TENT5D: variants seen among roughly 807,000 people sequenced by gnomAD.
TENT5D encodes the protein terminal nucleotidyltransferase 5D.
For synonymous variants in TENT5D, 103 were observed against 100.6 expected (o/e 1.02, Z -0.15); for missense variants, 191 against 287.0 (o/e 0.67, Z 2.42).
At chrX:80,355,179 T>G (rs947895495) in intron 3 of TENT5D, among the ~76,000 whole-genome samples, 1 of 111,772 alleles carries the variant, frequency 8.9e-6, no homozygotes, top group African/African-American at 3.3e-5. Context: ...CATGGGTGAG[T>G]GAGCTCTAGT....
intron 1 of TENT5D, among the ~76,000 whole-genome samples, chrX:80,432,331 C>T (rs1374819888): frequency 9.0e-6 from 1 of 111,376 alleles, no homozygotes; most frequent in African/African-American, 3.3e-5. Context: ...TCCTTCCGGC[C>T]TCACGTGACA....
intron 3 of TENT5D, among the ~76,000 whole-genome samples, chrX:80,344,029 T>C (rs1332887785): frequency 9.0e-6 from 1 of 110,893 alleles, no homozygotes; most frequent in Non-Finnish European, 1.9e-5. Flanking sequence ...AGTTCCCACT[T>C]ATGAGTGAGA....
chrX:80,414,517 G>A (rs1181710775), intron 3 of TENT5D, among the ~76,000 whole-genome samples: 1 of 112,133 alleles, frequency 8.9e-6, no homozygotes, highest in Admixed American at 9.5e-5. Context: ...CAGGCGTACA[G>A]TTTGTTTTTA....
chrX:80,380,191 T>C (rs1340037267), intron 3 of TENT5D, among the ~76,000 whole-genome samples: 1 of 109,902 alleles, frequency 9.1e-6, no homozygotes, highest in Non-Finnish European at 1.9e-5. Flanking sequence ...AGAACATCTT[T>C]ATTTCTGCTT....
chrX:80,369,704 A>G (rs1930583919), intron 3 of TENT5D, among the ~76,000 whole-genome samples: 1 of 111,716 alleles, frequency 9.0e-6, no homozygotes, highest in Non-Finnish European at 1.9e-5. Flanking sequence ...TTCCCCATCT[A>G]CAGCTAAATA....
At chrX:80,383,027 G>A (rs1034124395) in intron 3 of TENT5D, among the ~76,000 whole-genome samples, 2 of 111,720 alleles carry the variant, frequency 1.8e-5, no homozygotes, top group Non-Finnish European at 3.8e-5. Context: ...CCAGTGAGGT[G>A]AACCATGTAC....
At chrX:80,361,820 T>C (rs1370988301) in intron 3 of TENT5D, among the ~76,000 whole-genome samples, 1 of 112,026 alleles carries the variant, frequency 8.9e-6, no homozygotes, top group Non-Finnish European at 1.9e-5. Flanking sequence ...AAAATGTCAT[T>C]ATTTATTCAT....
intron 3 of TENT5D, among the ~76,000 whole-genome samples, chrX:80,379,872 T>A (rs757784084): frequency 3.8e-4 from 42 of 109,548 alleles, no homozygotes; most frequent in Non-Finnish European, 7.4e-4. Context: ...TTCTTGCTAG[T>A]GGCCTATACA....
intron 3 of TENT5D, among the ~76,000 whole-genome samples, chrX:80,360,247 T>G (rs1033596363): frequency 2.7e-5 from 3 of 112,317 alleles, no homozygotes; most frequent in South Asian, 7.3e-4. Context: ...GTGAATAAAA[T>G]TCAGGTTATC....
chrX:80,416,091 G>A (rs1176956308), upstream of TENT5D, among the ~76,000 whole-genome samples: 1 of 109,235 alleles, frequency 9.2e-6, no homozygotes, highest in African/African-American at 3.3e-5. Context: ...AGGTACTCAA[G>A]GTTTTTTTCT....
At chrX:80,384,927 C>A (rs1176173767) in intron 3 of TENT5D, among the ~76,000 whole-genome samples, 1 of 111,064 alleles carries the variant, frequency 9.0e-6, no homozygotes, top group Non-Finnish European at 1.9e-5. Flanking sequence ...AAAAAGGACA[C>A]AAACAAATGG....
At chrX:80,341,129 T>G (rs1194318608) in intron 2 of TENT5D, among the ~76,000 whole-genome samples, 1 of 112,450 alleles carries the variant, frequency 8.9e-6, no homozygotes, top group Non-Finnish European at 1.9e-5. Context: ...GCATTTGGAA[T>G]CATTCATTTG....
chrX:80,341,011 A>T (rs777005642), intron 2 of TENT5D, among the ~76,000 whole-genome samples: 2 of 112,136 alleles, frequency 1.8e-5, no homozygotes, highest in East Asian at 5.6e-4. Flanking sequence ...CAAAATAACA[A>T]CATCATTCCT....
intron 3 of TENT5D, among the ~76,000 whole-genome samples, chrX:80,389,657 T>C (rs996824610): frequency 2.7e-5 from 3 of 112,289 alleles, no homozygotes; most frequent in East Asian, 2.8e-4. Context: ...AGAAATTGTT[T>C]AGAAGACGAG....
At chrX:80,353,618 T>C (rs1356236032) in intron 3 of TENT5D, among the ~76,000 whole-genome samples, 3 of 112,525 alleles carry the variant, frequency 2.7e-5, no homozygotes, top group Non-Finnish European at 3.7e-5. Context: ...TCTCATTCTT[T>C]TTATGGCTGC....
At chrX:80,435,934 C>A (rs1208450115) in intron 1 of TENT5D, among the ~76,000 whole-genome samples, 1 of 111,989 alleles carries the variant, frequency 8.9e-6, no homozygotes, top group Non-Finnish European at 1.9e-5. Flanking sequence ...TTAGCTATTA[C>A]AGGAATAAAT....
At position 80,361,788 on chromosome X, in the gene TENT5D, A is replaced by C. The variant is rs959377930; in HGVS notation, c.-142+19224A>C. On this transcript the variant is annotated intron_variant, in intron 3 of 4. Transcript: ENST00000538312. ...TGGACATGTGTCTACAGCATTGATAAAATTTACTTAGCACTATTTTTAAAA... is the reference window on the plus strand; with the variant it reads ...TGGACATGTGTCTACAGCATTGATACAATTTACTTAGCACTATTTTTAAAA... Among the ~76,000 whole-genome samples, 118 of 112,051 alleles carry C rather than the reference A, an allele frequency of 1.1e-3. 1 individual carries two copies. Among genetic ancestry groups the C allele is most frequent in the Non-Finnish European group, 1.3e-3 (70 of 53,199 alleles).
chrX:80,366,208 AGTGTGTGTGTGTGTGT>A (rs3087109), intron 3 of TENT5D, among the ~76,000 whole-genome samples: 2 of 98,461 alleles, frequency 2.0e-5, no homozygotes, highest in African/African-American at 3.7e-5. Flanking sequence ...GAAGACAGGG[AGTGTGTGTGTGTGTGT>A]GTGTGTGTGT....
intron 3 of TENT5D, among the ~76,000 whole-genome samples, chrX:80,393,602 T>C (rs1931181193): frequency 1.8e-5 from 2 of 112,023 alleles, no homozygotes; most frequent in Non-Finnish European, 3.8e-5. Context: ...TATAGAATAC[T>C]CAATTATTAG....
Sources: allele counts gnomAD v4.1 joint callset (sites outside exome capture counted in the v4.1 genomes callset), GRCh38; gene constraint gnomAD v4.1.1; transcripts MANE v1.5; gene names NCBI Gene and HGNC (gene_info 2026-07-23, HGNC 2026-07-21).